The following ALK variants were observed in gnomAD, a reference collection of about 807,000 sequenced individuals.
The protein encoded by ALK is ALK tyrosine kinase receptor.
In ALK, 74 loss-of-function variants were observed where a neutral mutation model predicts 163.1. The observed-to-expected ratio is 0.45, with a 90% CI of 0.38 to 0.55. The LOEUF is 0.55. Among genes scored for constraint, ALK ranks in the 20% least tolerant of loss-of-function variants. The probability of loss-of-function intolerance (pLI) is 0.00; values close to 1 mark genes in which losing one functional copy is unlikely to be tolerated. For synonymous variants in ALK, 960 were observed against 843.2 expected (o/e 1.14, Z -2.40); for missense variants, 2,063 against 2,105.3 (o/e 0.98, Z 0.39).
intron 3 of ALK, among the ~76,000 whole-genome samples, chr2:29,588,077 G>A (rs1674938329): frequency 6.6e-6 from 1 of 152,070 alleles, no homozygotes; most frequent in African/African-American, 2.4e-5. Context: ...CTATCACTAA[G>A]GATTTTAAGT....
intron 14 of ALK, among the ~76,000 whole-genome samples, chr2:29,233,129 A>G (rs560209872): frequency 3.9e-5 from 6 of 152,220 alleles, no homozygotes; most frequent in African/African-American, 1.4e-4. Context: ...CAGTCTGCTC[A>G]TCTTTATTTT....
chr2:29,551,176 G>C (rs1213125825), intron 3 of ALK, among the ~76,000 whole-genome samples: 5 of 152,120 alleles, frequency 3.3e-5, no homozygotes, highest in Non-Finnish European at 5.9e-5. Context: ...AAGAAATGGA[G>C]TTATTTCTAA....
intron 3 of ALK, among the ~76,000 whole-genome samples, chr2:29,653,186 T>C (rs1055778011): frequency 6.6e-6 from 1 of 152,128 alleles, no homozygotes; most frequent in Non-Finnish European, 1.5e-5. Flanking sequence ...AAAATCTCCA[T>C]ACATGTGGTC....
intron 3 of ALK, among the ~76,000 whole-genome samples, chr2:29,587,160 G>A (rs1674912496): frequency 6.6e-6 from 1 of 152,212 alleles, no homozygotes; most frequent in Non-Finnish European, 1.5e-5. Context: ...TTGGGGGAGG[G>A]GTAGGATATT....
At chr2:29,450,930 G>A (rs1179327187) in intron 4 of ALK, among the ~76,000 whole-genome samples, 2 of 152,090 alleles carry the variant, frequency 1.3e-5, no homozygotes, top group African/African-American at 2.4e-5. Context: ...CCGTGGGGGC[G>A]GGGCTCAGGA....
At chr2:29,913,172 G>C (rs780561983) in intron 1 of ALK, among the ~76,000 whole-genome samples, 5 of 152,120 alleles carry the variant, frequency 3.3e-5, no homozygotes, top group Non-Finnish European at 5.9e-5. Flanking sequence ...GGGATTGGGT[G>C]TATCTTCCCC....
intron 4 of ALK, among the ~76,000 whole-genome samples, chr2:29,516,300 A>G (rs1672661448): frequency 6.6e-6 from 1 of 152,230 alleles, no homozygotes; most frequent in Non-Finnish European, 1.5e-5. Flanking sequence ...GTCCTGAAAC[A>G]GGGCACAGCA....
chr2:29,286,101 TA>T (rs898211701), intron 9 of ALK, among the ~76,000 whole-genome samples: 3 of 152,198 alleles, frequency 2.0e-5, no homozygotes, highest in African/African-American at 7.2e-5. Flanking sequence ...CACCAGTTTA[TA>T]AAAAGCTCAT....
chr2:29,417,776 A>G (rs116245622), intron 4 of ALK, among the ~76,000 whole-genome samples: 4 of 152,210 alleles, frequency 2.6e-5, no homozygotes, highest in Non-Finnish European at 5.9e-5. Context: ...CCTTACGTAC[A>G]TAAGGAGGAG....
At chr2:29,697,324 A>C (rs1318128280) in intron 2 of ALK, among the ~76,000 whole-genome samples, 1 of 152,046 alleles carries the variant, frequency 6.6e-6, no homozygotes. Context: ...GTGTTTGGGG[A>C]GGGTCATTGG....
intron 15 of ALK, 83 bp downstream of exon 15, chr2:29,232,221 T>C (rs1446023902): frequency 6.3e-7 from 1 of 1,577,338 alleles, no homozygotes; most frequent in East Asian, 2.2e-5. Context: ...GTGACTAAGA[T>C]GCCCTCAGGC....
intron 3 of ALK, among the ~76,000 whole-genome samples, chr2:29,543,736 C>T (rs1018923846): frequency 2.0e-5 from 3 of 152,224 alleles, no homozygotes; most frequent in Non-Finnish European, 4.4e-5. Context: ...TTGGCACATT[C>T]TGGGCTCTGG....
intron 5 of ALK, among the ~76,000 whole-genome samples, chr2:29,373,066 A>G (rs1459457587): frequency 6.6e-6 from 1 of 152,138 alleles, no homozygotes; most frequent in Admixed American, 6.5e-5. Context: ...CCCCTTCCCC[A>G]TCACCAGCTG....
At chr2:29,822,539 T>C (rs1665075906) in intron 1 of ALK, among the ~76,000 whole-genome samples, 1 of 152,220 alleles carries the variant, frequency 6.6e-6, no homozygotes, top group Non-Finnish European at 1.5e-5. Flanking sequence ...CTATGATCAG[T>C]GGCTAATGCC....
At chr2:29,854,049 A>G (rs1011633035) in intron 1 of ALK, among the ~76,000 whole-genome samples, 3 of 151,750 alleles carry the variant, frequency 2.0e-5, no homozygotes, top group Admixed American at 1.3e-4. Context: ...AGCTGGGATT[A>G]TGGGTTTGAG....
At chr2:29,827,017 A>G (rs1350115464) in intron 1 of ALK, among the ~76,000 whole-genome samples, 7 of 152,234 alleles carry the variant, frequency 4.6e-5, no homozygotes, top group African/African-American at 1.4e-4. Context: ...CACATATATG[A>G]ACCCAAATCC....
At chr2:29,477,984 T>C (rs1300040539) in intron 4 of ALK, among the ~76,000 whole-genome samples, 2 of 152,194 alleles carry the variant, frequency 1.3e-5, no homozygotes, top group African/African-American at 4.8e-5. Flanking sequence ...AAAAAGACTA[T>C]TTTCCTGAGT....
chr2:29,353,076 G>A (rs1668159063), intron 5 of ALK, among the ~76,000 whole-genome samples: 1 of 152,204 alleles, frequency 6.6e-6, no homozygotes, highest in Non-Finnish European at 1.5e-5. Context: ...TATTGTTTAG[G>A]AGTCATGCAG....
At chr2:29,360,757 T>C (rs969519909) in intron 5 of ALK, among the ~76,000 whole-genome samples, 12 of 152,074 alleles carry the variant, frequency 7.9e-5, no homozygotes, top group African/African-American at 2.9e-4. Context: ...AGAAGAGAAG[T>C]TATTTCTAGG....
Sources: gnomAD v4.1 joint callset for allele counts (sites outside exome capture counted in the v4.1 genomes callset) on GRCh38, gnomAD v4.1.1 for gene constraint, MANE v1.5 for transcripts, NCBI Gene and HGNC (gene_info 2026-07-23, HGNC 2026-07-21) for gene names.